PGBD5: variants seen among roughly 807,000 people sequenced by gnomAD.
The protein encoded by PGBD5 is piggyBac transposable element-derived protein 5.
In PGBD5, 14 loss-of-function variants were observed where a neutral mutation model predicts 47.9. The observed-to-expected ratio is 0.29, with a 90% CI of 0.19 to 0.46. The LOEUF (loss-of-function observed/expected upper bound fraction) is 0.46. Ranked by LOEUF, PGBD5 falls within the 20% of genes least tolerant of loss-of-function variation. The probability of loss-of-function intolerance (pLI) is 1.00; values close to 1 mark genes in which losing one functional copy is unlikely to be tolerated. For synonymous variants in PGBD5, 316 were observed against 306.3 expected, an observed-to-expected ratio of 1.03 and a Z score of -0.33; for missense variants, 635 against 716.0, an observed-to-expected ratio of 0.89 and a Z score of 1.29.
chr1:230,332,845 C>T lies in PGBD5; in HGVS notation c.1272G>A (p.Gln424=), dbSNP rs767178816. ...FLTNAYSPVQ[Q]GVIIKRKSGE... is the part of the protein sequence containing the mutation. The stretch of plus-strand genomic sequence containing the variant: ...TGTCAATGGCGGACCCGCACTCACC[C>T]TGCTGCACCGGGGAGTAGGCGTTGG... The change falls in exon 5 of 7, where the codon CAG becomes CAA. Residue 424 remains glutamine, a splice_region_variant and synonymous_variant. Transcript: ENST00000391860. 1 of 1,614,176 alleles carries T rather than the reference C, an allele frequency of 6.2e-7. No homozygotes were observed. Among genetic ancestry groups the T allele is most frequent in the Admixed American group, 1.7e-5 (1 of 60,030 alleles).
Position 230,315,938 on chromosome 1 carries a change from G to GTA in PGBD5, c.*7485_*7486dup, listed in dbSNP as rs1242781129. ...TATGTGTATATGTGTACACATATAT[G>GTA]TATGTGTATACATACATAAGTATAT... On this transcript the variant is annotated 3_prime_UTR_variant, in exon 7 of 7. Coordinates refer to ENST00000391860, the MANE Select transcript of PGBD5 (RefSeq NM_001258311.2). The GTA allele has an allele frequency of 8.3e-6, 1 of 120,886 alleles. No homozygotes were observed. Among genetic ancestry groups the GTA allele is most frequent in the African/African-American group, 3.0e-5 (1 of 32,816 alleles). 7.5% of individuals were successfully genotyped at this position (120,886 alleles called of 1,614,324 possible).
At chr1:230,349,952 T>C (rs2102700679) in intron 3 of PGBD5, among the ~76,000 whole-genome samples, 1 of 152,352 alleles carries the variant, frequency 6.6e-6, no homozygotes, top group South Asian at 2.1e-4. Context: ...GGAGCCGAGA[T>C]GGTGCTTTGG....
rs936988968 is a variant in PGBD5 at position 230,332,839 on chromosome 1, C to T, written c.1273+5G>A. On this transcript the variant is annotated splice_donor_5th_base_variant and intron_variant, in intron 5 of 6. Transcript: ENST00000391860. ...CCACTGTGTCAATGGCGGACCCGCA[C>T]TCACCCTGCTGCACCGGGGAGTAGG... 2 of 1,614,152 alleles carry T rather than the reference C, an allele frequency of 1.2e-6. No homozygotes were observed. Among genetic ancestry groups the T allele is most frequent in the Non-Finnish European group, 1.7e-6 (2 of 1,180,000 alleles).
intron 2 of PGBD5, among the ~76,000 whole-genome samples, chr1:230,353,501 C>T (rs186710308): frequency 1.4e-4 from 22 of 152,276 alleles, no homozygotes; most frequent in Non-Finnish European, 1.0e-4. Flanking sequence ...AGACCAAACT[C>T]GTACCAAAGG....
chr1:230,363,241 C>T (rs903531695), intron 1 of PGBD5, among the ~76,000 whole-genome samples: 4 of 152,120 alleles, frequency 2.6e-5, no homozygotes, highest in Admixed American at 2.0e-4. Context: ...GCCAGCTAAG[C>T]GCCCCACAGG....
In PGBD5 at chr1:230,426,102, G is replaced by C. The variant is rs1657778848; in HGVS notation, c.-174C>G. The C allele has an allele frequency of 5.8e-6, 1 of 172,696 alleles. No individual in the cohort carries two copies. The allele number at this position is 172,696 out of a possible 1,614,324, so 10.7% of individuals were successfully genotyped here. A position where few individuals can be genotyped will look rare whatever the true frequency, so the allele number is the denominator to read the frequency against. On this transcript the variant is annotated 5_prime_UTR_variant, in exon 1 of 7. Coordinates refer to ENST00000391860, the MANE Select transcript of PGBD5 (RefSeq NM_001258311.2). ...TGGCCGCCTCGGGCCCAGCGCCCGGGGAAGCGCCCTCGGAGCTCGGGCGCC... is the reference window on the plus strand; with the variant it reads ...TGGCCGCCTCGGGCCCAGCGCCCGGCGAAGCGCCCTCGGAGCTCGGGCGCC...
At chr1:230,337,047 C>T in intron 4 of PGBD5, 61 bp downstream of exon 4, 1 of 1,569,608 alleles carries the variant, frequency 6.4e-7, no homozygotes, top group East Asian at 2.3e-5. Flanking sequence ...ACCTGGACCT[C>T]TCCCACCACT....
At chr1:230,381,410 C>T (rs1430344309) in intron 1 of PGBD5, among the ~76,000 whole-genome samples, 1 of 152,226 alleles carries the variant, frequency 6.6e-6, no homozygotes. Context: ...GATGGCCTGC[C>T]GTGATGGAGC....
chr1:230,354,871 A>G (rs747664233), intron 2 of PGBD5, among the ~76,000 whole-genome samples: 1 of 152,230 alleles, frequency 6.6e-6, no homozygotes, highest in Non-Finnish European at 1.5e-5. Flanking sequence ...TAATTTCCCA[A>G]ATACAGTAAA....
chr1:230,383,049 T>G lies in PGBD5; in HGVS notation c.332-25728A>C, dbSNP rs902232021. 1.5e-4 allele frequency among the ~76,000 whole-genome samples: 23 copies of G among 152,274 alleles called. No individual in the cohort carries two copies. In the South Asian group the frequency reaches 3.1e-3, roughly 21 times the overall value. ...CTGCCATCTCGCTGTCTCTGTTTTA[T>G]GTATGTATGTATGTACATGTGTATG... On this transcript the variant is annotated intron_variant, in intron 1 of 6. Transcript: ENST00000391860.
At position 230,365,932 on chromosome 1, in the gene PGBD5, G is replaced by A. The variant is rs1207448533; in HGVS notation, c.332-8611C>T. ...CCTTCAGCCAGATCTGGGACTCAAT[G>A]TAAACAGCAAGATAACAACACAGGA... On this transcript the variant is annotated intron_variant, in intron 1 of 6. Coordinates refer to ENST00000391860, the MANE Select transcript of PGBD5 (RefSeq NM_001258311.2). 2.6e-5 allele frequency among the ~76,000 whole-genome samples: 4 copies of A among 152,346 alleles called. No homozygotes were observed. In the East Asian group the frequency reaches 5.8e-4, roughly 22 times the overall value.
intron 5 of PGBD5, among the ~76,000 whole-genome samples, chr1:230,329,444 T>C (rs1406640837): frequency 6.6e-6 from 1 of 152,230 alleles, no homozygotes; most frequent in Non-Finnish European, 1.5e-5. Flanking sequence ...ATGGTCATAG[T>C]AGAACAGAAT....
Position 230,422,627 on chromosome 1 carries a change from A to T in PGBD5, c.331+2971T>A, listed in dbSNP as rs142352076. On this transcript the variant is annotated intron_variant, in intron 1 of 6. Coordinates refer to ENST00000391860, the MANE Select transcript of PGBD5 (RefSeq NM_001258311.2). The stretch of plus-strand genomic sequence containing the variant: ...AATCCACACCTCAATGCACAGCCAG[A>T]ACCTAGGGGAGGTGAGAGAGGAGAC... Among the ~76,000 whole-genome samples, 1,231 of 152,296 alleles carry T rather than the reference A, an allele frequency of 8.1e-3. 17 individuals carry two copies. The highest frequency in any genetic ancestry group is 0.029 in the African/African-American group (1,187 of 41,562).
chr1:230,366,781 T>C (rs973321082), intron 1 of PGBD5, among the ~76,000 whole-genome samples: 1 of 152,166 alleles, frequency 6.6e-6, no homozygotes, highest in Non-Finnish European at 1.5e-5. Context: ...TGGTATCTGA[T>C]CACACCCACG....
intron 1 of PGBD5, chr1:230,377,352 G>A (rs1668029023): frequency 1.1e-6 from 1 of 876,964 alleles, no homozygotes; most frequent in Admixed American, 2.2e-5. Flanking sequence ...AGAAGCAATG[G>A]CCATCCAGGT....
At chr1:230,422,930 C>T (rs1011629715) in intron 1 of PGBD5, among the ~76,000 whole-genome samples, 14 of 151,824 alleles carry the variant, frequency 9.2e-5, no homozygotes, top group Admixed American at 7.2e-4. Flanking sequence ...GTGGCAACTC[C>T]GACTACAACT....
intron 1 of PGBD5, among the ~76,000 whole-genome samples, chr1:230,408,190 T>C (rs144256312): frequency 2.6e-3 from 394 of 152,338 alleles, no homozygotes; most frequent in Non-Finnish European, 3.7e-3. Flanking sequence ...TATACTACAT[T>C]GTCAACCTTT....
At chr1:230,327,052 C>T (rs1485409058) in intron 5 of PGBD5, among the ~76,000 whole-genome samples, 1 of 151,704 alleles carries the variant, frequency 6.6e-6, no homozygotes, top group South Asian at 2.1e-4. Context: ...CTTCCCAGGC[C>T]TGCCCTATGC....
At chr1:230,372,440 A>G (rs960253633) in intron 1 of PGBD5, among the ~76,000 whole-genome samples, 22 of 152,220 alleles carry the variant, frequency 1.4e-4, no homozygotes, top group Non-Finnish European at 4.4e-5. Context: ...GCAGAACACT[A>G]TAAGCCATAC....
Sources: gnomAD v4.1 joint callset for allele counts (sites outside exome capture counted in the v4.1 genomes callset) on GRCh38, gnomAD v4.1.1 for gene constraint, MANE v1.5 for transcripts, NCBI Gene and HGNC (gene_info 2026-07-23, HGNC 2026-07-21) for gene names.